Variants in MYH7B observed in about 807,000 individuals in gnomAD.
MYH7B encodes the protein myosin heavy chain 7B.
In MYH7B, 205 loss-of-function variants were observed where a neutral mutation model predicts 234.5. The ratio of observed to expected loss-of-function variants is 0.87; its 90% confidence interval spans 0.78 to 0.98. The LOEUF (loss-of-function observed/expected upper bound fraction) is 0.98, where lower values mean the gene tolerates loss of function less well. Among genes scored for constraint, MYH7B ranks in the 50% least tolerant of loss-of-function variants. The pLI is 0.00. For missense variants in MYH7B, 2,652 were observed against 2,633.4 expected, an observed-to-expected ratio of 1.01 and a Z score of -0.15; for synonymous variants, 1,193 against 1,105.0, an observed-to-expected ratio of 1.08 and a Z score of -1.58.
At chr20:34,993,874 C>T (rs1016329332) in intron 26 of MYH7B, among the ~76,000 whole-genome samples, 3 of 152,212 alleles carry the variant, frequency 2.0e-5, no homozygotes, top group African/African-American at 4.8e-5. Context: ...CACGTCAGCC[C>T]AGGCCGCTGA....
intron 3 of MYH7B, 109 bp from the exon 4 acceptor site, chr20:34,977,523 G>C: frequency 2.0e-6 from 2 of 1,002,674 alleles, no homozygotes; most frequent in Non-Finnish European, 3.1e-6. Flanking sequence ...CCCAGGGGCC[G>C]TGCTGGTGGA....
chr20:34,972,816 G>A (rs78046502), intron 2 of MYH7B, among the ~76,000 whole-genome samples: 1,920 of 152,192 alleles, frequency 0.013, 32 homozygotes, highest in African/African-American at 0.044. Context: ...ATTTTTTGTC[G>A]AGACAGGGTC....
intron 37 of MYH7B, 28 bp from the exon 38 acceptor site, chr20:34,999,763 C>A (rs764716275): frequency 5.5e-6 from 7 of 1,266,670 alleles, no homozygotes; most frequent in African/African-American, 4.3e-5. Flanking sequence ...CCCCCCCCCA[C>A]CCTACCCTGC....
exon 43 of MYH7B, chr20:35,001,458 C>T (rs771761253): frequency 2.6e-5 from 42 of 1,606,686 alleles, no homozygotes; most frequent in East Asian, 1.8e-4. Context: ...GAACCTGGCT[C>T]GCATGCAGGA....
rs545640317 is a variant in MYH7B at position 34,986,935 on chromosome 20, G to C, written c.954G>C (p.Gln318His). The C allele has an allele frequency of 5.0e-6, 8 of 1,614,122 alleles. 1 individual carries two copies. The South Asian group carries it at 8.8e-5, about 18-fold the overall frequency. Residue 318 changes from glutamine to histidine, a missense_variant, in exon 15 of 45, where the codon CAG becomes CAC. Gln to His is a conservative substitution (Grantham distance 24). This residue lies in a region of MYH7B where 2,279 missense variants were observed against 2,211.4 expected (regional missense o/e 1.03). Coordinates refer to ENST00000262873, the Ensembl canonical transcript of MYH7B. ...CCTATGACTACCACTTCTGCAGCCA[G>C]GGCGTCATCACCGTGGACAACATGA...
chr20:34,982,404 G>T, intron 9 of MYH7B, 55 bp from the exon 10 acceptor site: 1 of 1,498,282 alleles, frequency 6.7e-7, no homozygotes, highest in Admixed American at 1.7e-5. Context: ...GGCATTGGGG[G>T]TGGGGGAGAA....
chr20:34,976,805 C>T (rs911090290), intron 3 of MYH7B, among the ~76,000 whole-genome samples: 3 of 152,182 alleles, frequency 2.0e-5, no homozygotes, highest in Non-Finnish European at 4.4e-5. Context: ...CTTCCAAATG[C>T]ACAAGTGTGC....
At chr20:34,956,510 C>T (rs1600398280) in intron 1 of MYH7B, among the ~76,000 whole-genome samples, 2 of 152,208 alleles carry the variant, frequency 1.3e-5, no homozygotes, top group Middle Eastern at 3.4e-3. Flanking sequence ...GGCTTGTCTG[C>T]AGTCCGAAGC....
exon 30 of MYH7B, chr20:34,996,719 C>T (rs376241455): frequency 6.2e-7 from 1 of 1,613,288 alleles, no homozygotes; most frequent in African/African-American, 1.3e-5. Flanking sequence ...GTGGCTGATG[C>T]TGCTCAAGAC....
chr20:34,978,187 G>C, intron 5 of MYH7B, 91 bp downstream of exon 5: 1 of 1,486,426 alleles, frequency 6.7e-7, no homozygotes, highest in Non-Finnish European at 9.2e-7. Flanking sequence ...CCAGCTCAGG[G>C]CTGAAGGGGC....
At chr20:34,991,925 G>A (rs1406724754) in intron 24 of MYH7B, among the ~76,000 whole-genome samples, 1 of 152,142 alleles carries the variant, frequency 6.6e-6, no homozygotes, top group African/African-American at 2.4e-5. Context: ...GTTTTTCTTG[G>A]CTGTGAAACA....
intron 12 of MYH7B, 58 bp from the exon 13 acceptor site, chr20:34,985,008 A>T: frequency 6.2e-7 from 1 of 1,610,058 alleles, no homozygotes; most frequent in Non-Finnish European, 8.5e-7. Flanking sequence ...CAGGTCGGGC[A>T]CAGGTGGGGA....
At chr20:34,975,780 A>G (rs1657828950) in intron 3 of MYH7B, among the ~76,000 whole-genome samples, 1 of 152,052 alleles carries the variant, frequency 6.6e-6, no homozygotes, top group Non-Finnish European at 1.5e-5. Flanking sequence ...CAGTGGTGCC[A>G]TCTCCACTCA....
chr20:34,977,721 GGAGGGTGGGCGGGTGGGT>G, intron 4 of MYH7B, 41 bp downstream of exon 4: 7 of 1,459,314 alleles, frequency 4.8e-6, no homozygotes, highest in Non-Finnish European at 6.6e-6. Flanking sequence ...AGGGAGGGCA[GGAGGGTGGGCGGGTGGGT>G]GAGGGTGCCC....
exon 32 of MYH7B, chr20:34,997,412 G>T: frequency 6.8e-7 from 1 of 1,476,138 alleles, no homozygotes. Context: ...GCTGCCGCAA[G>T]CGGGAGGCGG....
intron 26 of MYH7B, among the ~76,000 whole-genome samples, chr20:34,993,706 G>C (rs1328241449): frequency 1.3e-5 from 2 of 152,240 alleles, no homozygotes; most frequent in Non-Finnish European, 2.9e-5. Context: ...GGTAGCGATG[G>C]CACCCAGTGT....
Position 34,998,304 on chromosome 20 carries a change from G to T in MYH7B, c.3757G>T (p.Glu1253Ter). 1 of 1,613,926 alleles carries T rather than the reference G, an allele frequency of 6.2e-7. No homozygotes were observed. Among genetic ancestry groups the T allele is most frequent in the South Asian group, 1.1e-5 (1 of 91,034 alleles). The stretch of plus-strand genomic sequence containing the variant: ...CAACCTGGGATCCTAGGCCAGTGCA[G>T]AGAAGCTGTGCCGGACCTATGAGGA... The change falls in exon 33 of 45, where the codon GAG becomes TAG. Residue 1253 changes from glutamate (E) to a stop codon, truncating the protein, a stop_gained. Transcript: ENST00000262873. LOFTEE classifies it high-confidence loss of function.
At chr20:34,988,965 AC>A (rs2082088101) in intron 19 of MYH7B, among the ~76,000 whole-genome samples, 1 of 152,068 alleles carries the variant, frequency 6.6e-6, no homozygotes, top group Admixed American at 6.5e-5. Flanking sequence ...ATGCGCCACC[AC>A]ACCTAGCTAA....
exon 18 of MYH7B, chr20:34,987,779 G>C: frequency 6.2e-7 from 1 of 1,614,198 alleles, no homozygotes; most frequent in East Asian, 2.2e-5. Flanking sequence ...TGTTTGCTGT[G>C]GGGGCTCTGG....
Sources: gnomAD v4.1 joint callset for allele counts (sites outside exome capture counted in the v4.1 genomes callset) on GRCh38, gnomAD v4.1.1 for gene constraint, gnomAD v4.1.1 regional missense constraint, MANE v1.5 for transcripts, NCBI Gene and HGNC (gene_info 2026-07-23, HGNC 2026-07-21) for gene names.